The following ENTPD5 variants were observed in gnomAD, a reference collection of about 807,000 sequenced individuals.
The protein encoded by ENTPD5 is ectonucleoside triphosphate diphosphohydrolase 5 (inactive).
Under a neutral mutation model 60.2 loss-of-function variants are expected in ENTPD5, and 49 were observed. The ratio of observed to expected loss-of-function variants is 0.81; its 90% CI spans 0.65 to 1.03. The LOEUF (loss-of-function observed/expected upper bound fraction) is 1.03. ENTPD5 is among the 50% of genes least tolerant of loss of function. The probability of loss-of-function intolerance (pLI) is 0.00; values close to 1 mark genes in which losing one functional copy is unlikely to be tolerated. For missense variants in ENTPD5, 480 were observed against 507.6 expected (o/e 0.95, Z 0.52); for synonymous variants, 187 against 185.4 (o/e 1.01, Z -0.07).
At chr14:73,974,641 C>T (rs1263523069) in intron 11 of ENTPD5, among the ~76,000 whole-genome samples, 1 of 152,146 alleles carries the variant, frequency 6.6e-6, no homozygotes, top group Non-Finnish European at 1.5e-5. Flanking sequence ...TGAATGTATT[C>T]GTAAAGCCTG....
In ENTPD5 at chr14:73,988,127, G is replaced by T; in HGVS notation, c.-25C>A. 6.3e-7 allele frequency: 1 copy of T among 1,589,876 alleles called. No homozygotes were observed. On this transcript the variant is annotated 5_prime_UTR_variant, in exon 4 of 16. Transcript: ENST00000334696. ...TTCTTTTCCCAAGATGTGGCTGGGTGGAGGCTTTTGTTGCAGAAGCAATCC... is the reference window on the plus strand; with the variant it reads ...TTCTTTTCCCAAGATGTGGCTGGGTTGAGGCTTTTGTTGCAGAAGCAATCC...
rs766638484 is a variant in ENTPD5, at chr14:73,982,984, G to A, written c.441+34C>T. ...ATAAAGTATTCATATAGGGAAAAGG[G>A]CAGAATGATCCAAGATGCAGTTTTA... On this transcript the variant is annotated intron_variant, in intron 6 of 15. Coordinates refer to ENST00000334696, the MANE Select transcript of ENTPD5 (RefSeq NM_001249.5). 3.1e-6 allele frequency: 5 copies of A among 1,604,492 alleles called. No individual in the cohort carries two copies. In the East Asian group the frequency reaches 9.0e-5, roughly 29 times the overall value.
At chr14:73,962,746 G>A (rs915025849), downstream of ENTPD5, 4 of 561,682 alleles carry the variant, frequency 7.1e-6, no homozygotes, top group African/African-American at 7.6e-5. Flanking sequence ...GAGCCTAGGA[G>A]TTTGAGGCTG....
intron 3 of ENTPD5, 88 bp from the exon 4 acceptor site, chr14:73,988,260 T>C: frequency 6.3e-6 from 8 of 1,270,292 alleles, no homozygotes; most frequent in Non-Finnish European, 8.4e-6. Context: ...GGGCCCAAGG[T>C]GTTCCTTCCC....
chr14:74,005,500 C>T (rs1594946643), intron 3 of ENTPD5, among the ~76,000 whole-genome samples: 1 of 151,858 alleles, frequency 6.6e-6, no homozygotes, highest in South Asian at 2.1e-4. Context: ...ACATCGGCTG[C>T]TATTAACTCT....
intron 14 of ENTPD5, among the ~76,000 whole-genome samples, chr14:73,970,710 A>C (rs2057186182): frequency 6.6e-6 from 1 of 152,192 alleles, no homozygotes. Context: ...TTAGTTCTAA[A>C]TCCCTTATCT....
downstream of ENTPD5, chr14:73,961,021 C>T (rs2056696765): frequency 6.8e-6 from 6 of 879,444 alleles, no homozygotes; most frequent in Admixed American, 1.0e-4. Flanking sequence ...AGTTGCTTTG[C>T]ACTTGAGGGG....
intron 3 of ENTPD5, among the ~76,000 whole-genome samples, chr14:73,992,234 C>G (rs1333951878): frequency 6.6e-6 from 1 of 152,088 alleles, no homozygotes; most frequent in African/African-American, 2.4e-5. Flanking sequence ...GTGACAAGAT[C>G]TGATTCTAAA....
chr14:74,003,238 T>C (rs77899224), intron 3 of ENTPD5, among the ~76,000 whole-genome samples: 3,128 of 152,316 alleles, frequency 0.021, 97 homozygotes, highest in African/African-American at 0.071. Flanking sequence ...GTTCCTCTGA[T>C]AGAATATAAG....
chr14:73,975,798 T>C (rs1205393083), intron 10 of ENTPD5, 138 bp downstream of exon 10: 2 of 633,800 alleles, frequency 3.2e-6, no homozygotes, highest in African/African-American at 3.7e-5. Context: ...GTGGACCGGG[T>C]TTCAGTTGAT....
intron 3 of ENTPD5, among the ~76,000 whole-genome samples, chr14:74,004,493 G>A (rs1360228543): frequency 6.6e-6 from 1 of 152,146 alleles, no homozygotes; most frequent in African/African-American, 2.4e-5. Context: ...TTGGGACTCT[G>A]AGAGTGGTTT....
At chr14:73,960,813 T>A (rs2056685011), downstream of ENTPD5, 1 of 385,792 alleles carries the variant, frequency 2.6e-6, no homozygotes, top group African/African-American at 2.1e-5. Context: ...CTCTGAGATG[T>A]TATCCTAATG....
chr14:73,958,475 C>T (rs1486108830), downstream of ENTPD5: 16 of 1,416,110 alleles, frequency 1.1e-5, no homozygotes, highest in Admixed American at 3.0e-4. Context: ...TCTCATGGGC[C>T]GTCTTAGGTT....
At chr14:73,986,505 G>A (rs73301464) in intron 5 of ENTPD5, 4,302 of 279,300 alleles carry the variant, frequency 0.015, 191 homozygotes, top group African/African-American at 0.088. Context: ...TATCTTCTGC[G>A]CTTACATGAA....
rs376872613 is a variant in ENTPD5 at position 73,964,706 on chromosome 14, T to G, written c.*2222A>C. 2.6e-5 allele frequency: 4 copies of G among 152,202 alleles called. No individual in the cohort carries two copies. Among genetic ancestry groups the G allele is most frequent in the African/African-American group, 9.7e-5 (4 of 41,448 alleles). The allele number at this position is 152,202 out of a possible 1,614,324, so 9.4% of individuals were successfully genotyped here. A position where few individuals can be genotyped will look rare whatever the true frequency, so the allele number is the denominator to read the frequency against. The stretch of plus-strand genomic sequence containing the variant: ...TGTGACTGGTCTGGCACCCTACTTT[T>G]GTTGACAAAGATGGGAAGGGGTCTA... On this transcript the variant is annotated 3_prime_UTR_variant, in exon 16 of 16. Coordinates refer to ENST00000334696, the MANE Select transcript of ENTPD5 (RefSeq NM_001249.5).
chr14:73,981,545 A>T (rs1300762905), intron 6 of ENTPD5, among the ~76,000 whole-genome samples: 2 of 151,604 alleles, frequency 1.3e-5, no homozygotes, highest in Admixed American at 1.3e-4. Context: ...GCCTGTTCCT[A>T]TAATCCTAGC....
At chr14:74,004,682 T>A (rs1422742032) in intron 3 of ENTPD5, among the ~76,000 whole-genome samples, 1 of 150,568 alleles carries the variant, frequency 6.6e-6, no homozygotes, top group Non-Finnish European at 1.5e-5. Flanking sequence ...CCCGTGTAGA[T>A]CCTCCATAGG....
chr14:73,958,425 A>G, downstream of ENTPD5: 4 of 1,510,600 alleles, frequency 2.6e-6, no homozygotes, highest in Non-Finnish European at 3.5e-6. Context: ...GGCCAGCTCA[A>G]GTGGAGATGG....
chr14:73,977,331 C>T lies in ENTPD5; in HGVS notation c.485G>A (p.Gly162Asp), dbSNP rs1255387974. 3.7e-6 allele frequency: 6 copies of T among 1,612,270 alleles called. No homozygotes were observed. The African/African-American group carries it at 4.0e-5, about 11-fold the overall frequency. Residue 162 changes from glycine to aspartate, a missense_variant, in exon 7 of 16, where the codon GGC becomes GAC. Coordinates refer to ENST00000334696, the MANE Select transcript of ENTPD5 (RefSeq NM_001249.5). Reference sequence around the variant, plus strand: ...GGATCCATCCATGATGCTAACACTGCCCTTTGGTACCAGGAAAGGTGACTT... The same window carrying T: ...GGATCCATCCATGATGCTAACACTGTCCTTTGGTACCAGGAAAGGTGACTT... ...FRKSPFLVPK[G>D]SVSIMDGSDE...
Sources: gnomAD v4.1 joint callset for allele counts (sites outside exome capture counted in the v4.1 genomes callset) on GRCh38, gnomAD v4.1.1 for gene constraint, MANE v1.5 for transcripts, NCBI Gene and HGNC (gene_info 2026-07-23, HGNC 2026-07-21) for gene names.